NIBAN2: variants seen among roughly 807,000 people sequenced by gnomAD.
The protein encoded by NIBAN2 is protein Niban 2.
NIBAN2 carries 36 observed loss-of-function variants against 81.8 expected under a neutral mutation model. That is an observed-to-expected ratio of 0.44 (90% CI 0.34 to 0.58). The LOEUF (loss-of-function observed/expected upper bound fraction) is 0.58. Ranked by LOEUF, NIBAN2 falls within the 20% of genes least tolerant of loss-of-function variation. NIBAN2 has a pLI of 0.02. For missense variants in NIBAN2, 897 were observed against 1,014.1 expected (o/e 0.88, Z 1.57); for synonymous variants, 445 against 441.6 (o/e 1.01, Z -0.10).
intron 1 of NIBAN2, among the ~76,000 whole-genome samples, chr9:127,544,427 A>G (rs1289873316): frequency 4.6e-5 from 7 of 152,100 alleles, no homozygotes; most frequent in Non-Finnish European, 1.0e-4. Flanking sequence ...TTTGTTGCTA[A>G]CACCAGGATA....
At chr9:127,531,998 G>C (rs960180194) in intron 1 of NIBAN2, among the ~76,000 whole-genome samples, 2 of 152,248 alleles carry the variant, frequency 1.3e-5, no homozygotes, top group Admixed American at 1.3e-4. Context: ...ATGGGAAAGC[G>C]GGTAATGGCC....
upstream of NIBAN2, chr9:127,569,189 C>T: frequency 1.6e-6 from 1 of 614,254 alleles, no homozygotes; most frequent in Non-Finnish European, 2.0e-6. Flanking sequence ...CCGCCGCGTC[C>T]CACCCCGCCC....
upstream of NIBAN2, among the ~76,000 whole-genome samples, chr9:127,570,409 C>T (rs1837933064): frequency 6.6e-6 from 1 of 152,170 alleles, no homozygotes; most frequent in African/African-American, 2.4e-5. Flanking sequence ...GCCCAAGCTG[C>T]CCTCCCCTCT....
rs749991895 is a variant in NIBAN2, at chr9:127,508,129, C to T, written c.1506G>A (p.Pro502=). The T allele has an allele frequency of 6.8e-6, 11 of 1,613,594 alleles. No individual in the cohort carries two copies. Among genetic ancestry groups the T allele is most frequent in the South Asian group, 3.3e-5 (3 of 91,080 alleles). ...FREALLQISI[P]FLLKKLAPTC... ...TAGGGGCCAGCTTCTTGAGCAGGAA[C>T]GGGATGCTGATCTGCAGCAGCGCCT... Residue 502 remains proline (P), a synonymous_variant, in exon 12 of 14, where the codon CCG becomes CCA. Transcript: ENST00000373312. This position sits in a 1 kb window ranked among gnomAD's most constrained non-coding sequence, Gnocchi z 6.4.
intron 1 of NIBAN2, among the ~76,000 whole-genome samples, chr9:127,557,404 G>T (rs1837691199): frequency 6.7e-6 from 1 of 150,262 alleles, no homozygotes. Flanking sequence ...GGCCACAGAG[G>T]TCTGAAGCAG....
rs757247618 is a variant in NIBAN2, at chr9:127,507,131, T to C, written c.1955A>G (p.Glu652Gly). 1 of 1,599,342 alleles carries C rather than the reference T, an allele frequency of 6.3e-7. No homozygotes were observed. Among genetic ancestry groups the C allele is most frequent in the Non-Finnish European group, 8.5e-7 (1 of 1,173,452 alleles). ...ACCTTGGGCCAGCAGGCCTCGGATC[T>C]CAGTGACACCGTCCGGGGACGCAGG... ...PPPASPDGVT[E>G]IRGLLAQGLR... The change falls in exon 14 of 14, where the codon GAG (glutamate) becomes GGG (glycine). Residue 652 changes from glutamate (E) to glycine (G), a missense_variant. Glu to Gly is a moderately conservative substitution (Grantham distance 98). This residue lies in a region of NIBAN2 where 619 missense variants were observed against 691.0 expected (regional missense o/e 0.90). Coordinates refer to ENST00000373312, the MANE Select transcript of NIBAN2 (RefSeq NM_022833.4). The surrounding 1 kb of genome is among the most constrained non-coding windows in gnomAD (Gnocchi z 6.8).
chr9:127,538,943 T>C (rs1588171698), intron 1 of NIBAN2, among the ~76,000 whole-genome samples: 1 of 42,290 alleles, frequency 2.4e-5, no homozygotes, highest in Non-Finnish European at 5.0e-5. Context: ...AGACTCCATC[T>C]CAAAAAAAAA....
chr9:127,549,410 C>T (rs753420695), intron 1 of NIBAN2, among the ~76,000 whole-genome samples: 5 of 151,502 alleles, frequency 3.3e-5, no homozygotes, highest in Non-Finnish European at 7.4e-5. Context: ...CTCACATGCA[C>T]GCCCACACGC....
Position 127,557,946 on chromosome 9 carries a change from G to A in NIBAN2, c.55+10874C>T, listed in dbSNP as rs1394318672. Among the ~76,000 whole-genome samples, 3 of 152,158 alleles carry A rather than the reference G, an allele frequency of 2.0e-5. No individual in the cohort carries two copies. In the East Asian group the frequency reaches 5.8e-4, roughly 29 times the overall value. ...AGAGGAGAGACGCCCCTTGACCAAGGTCACACAGTGAGCTGTGACTGTCCC... is the reference window on the plus strand; with the variant it reads ...AGAGGAGAGACGCCCCTTGACCAAGATCACACAGTGAGCTGTGACTGTCCC... On this transcript the variant is annotated intron_variant, in intron 1 of 13. Coordinates refer to ENST00000373312, the MANE Select transcript of NIBAN2 (RefSeq NM_022833.4).
intron 8 of NIBAN2, among the ~76,000 whole-genome samples, chr9:127,511,927 C>CA (rs1172000888): frequency 1.3e-5 from 2 of 151,992 alleles, no homozygotes; most frequent in African/African-American, 4.8e-5. Flanking sequence ...TGGCTTTATC[C>CA]AAAAAAAAGA....
intron 1 of NIBAN2, among the ~76,000 whole-genome samples, chr9:127,553,469 G>A (rs753749231): frequency 7.2e-5 from 11 of 152,232 alleles, no homozygotes; most frequent in Non-Finnish European, 1.5e-4. Flanking sequence ...TATTTGCTGT[G>A]TGCCAGGTAC....
Position 127,508,559 on chromosome 9 carries a change from A to G in NIBAN2, c.1318-21T>C. The G allele has an allele frequency of 6.3e-7, 1 of 1,597,226 alleles. No homozygotes were observed. Among genetic ancestry groups the G allele is most frequent in the Non-Finnish European group, 8.6e-7 (1 of 1,165,628 alleles). On this transcript the variant is annotated intron_variant, in intron 10 of 13. Coordinates refer to ENST00000373312, the MANE Select transcript of NIBAN2 (RefSeq NM_022833.4). This position sits in a 1 kb window ranked among gnomAD's most constrained non-coding sequence, Gnocchi z 6.4. The stretch of plus-strand genomic sequence containing the variant: ...ATTTGCTGCAGGGCATACCGCGGAC[A>G]TGTGAAGCCCCCAGGGTGACCACAG...
Position 127,563,018 on chromosome 9 carries a change from G to A in NIBAN2, c.55+5802C>T, listed in dbSNP as rs1371942483. On this transcript the variant is annotated intron_variant, in intron 1 of 13. Transcript: ENST00000373312. The surrounding 1 kb of genome is among the most constrained non-coding windows in gnomAD (Gnocchi z 4.1). Reference sequence around the variant, plus strand: ...ACTCCCAGAGGATGAAGTGGTTATCGCAGGACGGCGGGTGAGTGGTTCCTA... The same window carrying A: ...ACTCCCAGAGGATGAAGTGGTTATCACAGGACGGCGGGTGAGTGGTTCCTA... Among the ~76,000 whole-genome samples the A allele has an allele frequency of 6.6e-6, 1 of 152,194 alleles. No homozygotes were observed. The highest frequency in any genetic ancestry group is 1.5e-5 in the Non-Finnish European group (1 of 68,038).
intron 1 of NIBAN2, among the ~76,000 whole-genome samples, chr9:127,562,323 C>T (rs1479324508): frequency 6.6e-6 from 1 of 152,296 alleles, no homozygotes; most frequent in Non-Finnish European, 1.5e-5. Context: ...AGGCCTTGGA[C>T]TATCCGATCC....
chr9:127,568,962 G>A lies in NIBAN2; in HGVS notation c.-88C>T, dbSNP rs1317686772. 32 of 1,155,198 alleles carry A rather than the reference G, an allele frequency of 2.8e-5. No individual in the cohort carries two copies. The highest frequency in any genetic ancestry group is 3.4e-5 in the Non-Finnish European group (32 of 944,462). 71.6% of individuals were successfully genotyped at this position (1,155,198 alleles called of 1,614,324 possible). ...GGACGCCGCTGGCGCCATGGAGCCCGGCCCGCCCTGCTTCCCCCGCTCCCG... is the reference window on the plus strand; with the variant it reads ...GGACGCCGCTGGCGCCATGGAGCCCAGCCCGCCCTGCTTCCCCCGCTCCCG... On this transcript the variant is annotated 5_prime_UTR_variant, in exon 1 of 14. Transcript: ENST00000373312.
At chr9:127,564,647 TG>T (rs1837827543) in intron 1 of NIBAN2, among the ~76,000 whole-genome samples, 1 of 151,986 alleles carries the variant, frequency 6.6e-6, no homozygotes, top group African/African-American at 2.4e-5. Context: ...TCGAGGTGGG[TG>T]GATCACCTGA....
intron 1 of NIBAN2, among the ~76,000 whole-genome samples, chr9:127,566,344 C>G (rs1043130863): frequency 2.6e-5 from 4 of 152,102 alleles, no homozygotes; most frequent in Non-Finnish European, 5.9e-5. Context: ...GATCCTCAGG[C>G]CTCCCAGATC....
intron 1 of NIBAN2, among the ~76,000 whole-genome samples, chr9:127,532,264 G>C (rs1837198239): frequency 6.6e-6 from 1 of 152,154 alleles, no homozygotes. Flanking sequence ...GTGATCTCTA[G>C]GGATGATCGG....
intron 4 of NIBAN2, chr9:127,524,855 G>A: frequency 1.8e-6 from 1 of 545,642 alleles, no homozygotes. Flanking sequence ...TACGAGGGAA[G>A]GTCACTGAAC....
Sources: allele counts gnomAD v4.1 joint callset (sites outside exome capture counted in the v4.1 genomes callset), GRCh38; gene constraint gnomAD v4.1.1; regional missense constraint gnomAD v4.1.1; non-coding constraint Gnocchi (gnomAD v3.1); transcripts MANE v1.5; gene names NCBI Gene and HGNC (gene_info 2026-07-23, HGNC 2026-07-21).